PEX14: variants seen among roughly 807,000 people sequenced by gnomAD.
The protein encoded by PEX14 is peroxisomal biogenesis factor 14.
In PEX14, 15 loss-of-function variants were observed where a neutral mutation model predicts 49.5. That is an observed-to-expected ratio of 0.30 (90% CI 0.20 to 0.47). PEX14 has a LOEUF of 0.47. Ranked by LOEUF, PEX14 falls within the 20% of genes least tolerant of loss-of-function variation. The pLI is 1.00. For missense variants in PEX14, 398 were observed against 494.8 expected, an observed-to-expected ratio of 0.80 and a Z score of 1.86; for synonymous variants, 210 against 212.7, an observed-to-expected ratio of 0.99 and a Z score of 0.11.
At position 10,474,995 on chromosome 1, in the gene PEX14, C is replaced by T. The variant is rs12068754; in HGVS notation, c.29C>T (p.Pro10Leu). 2 of 1,610,166 alleles carry T rather than the reference C, an allele frequency of 1.2e-6. No homozygotes were observed. Among genetic ancestry groups the T allele is most frequent in the South Asian group, 1.1e-5 (1 of 90,172 alleles). The change falls in exon 1 of 9, where the codon CCG becomes CTG. Residue 10 changes from proline to leucine, a missense_variant. Transcript: ENST00000356607. ...GCGTCCTCGGAGCAGGCAGAGCAGC[C>T]GAGCCAGGTAAGGGGAGTGGGACTG... MASSEQAEQPSQPSSTPGSE... is the reference protein window; with the variant it reads MASSEQAEQLSQPSSTPGSE...
intron 3 of PEX14, among the ~76,000 whole-genome samples, chr1:10,573,166 G>A (rs1401626887): frequency 2.0e-5 from 3 of 152,184 alleles, no homozygotes; most frequent in African/African-American, 4.8e-5. Context: ...GCAGTCCATC[G>A]TTAACTGAAA....
At chr1:10,532,950 A>G (rs1200194803) in intron 2 of PEX14, among the ~76,000 whole-genome samples, 1 of 152,220 alleles carries the variant, frequency 6.6e-6, no homozygotes, top group African/African-American at 2.4e-5. Flanking sequence ...AGATGTTAGC[A>G]TTATGGGTAA....
At chr1:10,626,413 C>G (rs1036251976) in intron 7 of PEX14, among the ~76,000 whole-genome samples, 1 of 152,160 alleles carries the variant, frequency 6.6e-6, no homozygotes, top group Non-Finnish European at 1.5e-5. Context: ...TCAGACTGCC[C>G]GGGTTTTCCT....
chr1:10,480,414 G>T (rs1641263532), intron 1 of PEX14, among the ~76,000 whole-genome samples: 2 of 109,396 alleles, frequency 1.8e-5, no homozygotes, highest in African/African-American at 3.6e-5. Flanking sequence ...TTTTTTTTGA[G>T]ACGGAGTCTT....
intron 3 of PEX14, among the ~76,000 whole-genome samples, chr1:10,581,186 A>C (rs1640305424): frequency 6.6e-6 from 1 of 152,104 alleles, no homozygotes; most frequent in South Asian, 2.1e-4. Context: ...TGAAGTCTAC[A>C]TGGCAGGTAG....
chr1:10,629,426 G>A lies in PEX14; in HGVS notation c.678-105G>A. 1 of 778,778 alleles carries A rather than the reference G, an allele frequency of 1.3e-6. No homozygotes were observed. The highest frequency in any genetic ancestry group is 1.5e-5 in the South Asian group (1 of 66,998). 48.2% of individuals were successfully genotyped at this position (778,778 alleles called of 1,614,324 possible). Reference sequence around the variant, plus strand: ...TCCCTTGCCCAGTGTCCCTGGGGGAGCAGCTCACCATCGCCGAGCCCTTGC... The same window carrying A: ...TCCCTTGCCCAGTGTCCCTGGGGGAACAGCTCACCATCGCCGAGCCCTTGC... On this transcript the variant is annotated intron_variant, in intron 8 of 8. Transcript: ENST00000356607. The surrounding 1 kb of genome is among the most constrained non-coding windows in gnomAD (Gnocchi z 8.5).
intron 2 of PEX14, among the ~76,000 whole-genome samples, chr1:10,534,239 G>A (rs1314259555): frequency 6.6e-6 from 1 of 152,174 alleles, no homozygotes; most frequent in African/African-American, 2.4e-5. Flanking sequence ...TTCTCCAGGT[G>A]AAGAACAACT....
intron 4 of PEX14, among the ~76,000 whole-genome samples, chr1:10,601,099 T>C (rs1191796729): frequency 1.3e-5 from 2 of 151,918 alleles, no homozygotes; most frequent in Non-Finnish European, 2.9e-5. Flanking sequence ...CTGTCTCTAA[T>C]AAAAATACAA....
rs960594853 is a variant in PEX14, at chr1:10,630,136, G to T, written c.*149G>T. 1.6e-6 allele frequency: 2 copies of T among 1,258,158 alleles called. No individual in the cohort carries two copies. Among genetic ancestry groups the T allele is most frequent in the Non-Finnish European group, 2.2e-6 (2 of 924,056 alleles). 77.9% of individuals were successfully genotyped at this position (1,258,158 alleles called of 1,614,324 possible). On this transcript the variant is annotated 3_prime_UTR_variant, in exon 9 of 9. Transcript: ENST00000356607. The surrounding 1 kb of genome is among the most constrained non-coding windows in gnomAD (Gnocchi z 4.1). ...TCAGCTGCACTGCGGCCTGGTGGCA[G>T]TGTGGGGAGTCACACTTCTGTCCAC...
At chr1:10,541,819 A>G (rs1265215470) in intron 3 of PEX14, among the ~76,000 whole-genome samples, 1 of 152,226 alleles carries the variant, frequency 6.6e-6, no homozygotes, top group African/African-American at 2.4e-5. Context: ...GTAGAAACAG[A>G]GATGCCCTGG....
intron 3 of PEX14, among the ~76,000 whole-genome samples, chr1:10,596,535 C>T (rs1401168525): frequency 1.3e-5 from 2 of 151,918 alleles, no homozygotes; most frequent in African/African-American, 2.4e-5. Flanking sequence ...AGACCTAGGA[C>T]ATAGTTTGAG....
At chr1:10,478,911 A>AT (rs112990066) in intron 1 of PEX14, among the ~76,000 whole-genome samples, 20 of 148,580 alleles carry the variant, frequency 1.3e-4, no homozygotes, top group African/African-American at 3.7e-4. Flanking sequence ...ACGCCCGGCT[A>AT]TTTTTTTTTT....
intron 2 of PEX14, among the ~76,000 whole-genome samples, chr1:10,500,404 A>G (rs1011119791): frequency 3.6e-5 from 5 of 140,450 alleles, no homozygotes; most frequent in African/African-American, 1.3e-4. Flanking sequence ...AAAAAAAAAG[A>G]AAAGAAAAGA....
chr1:10,615,609 A>G lies in PEX14; in HGVS notation c.299-2723A>G, dbSNP rs561561249. Reference sequence around the variant, plus strand: ...GTGGCAGTATTTCTCAAAACTGCAAATGCACACGCCCTGGGACCACCCTCT... The same window carrying G: ...GTGGCAGTATTTCTCAAAACTGCAAGTGCACACGCCCTGGGACCACCCTCT... On this transcript the variant is annotated intron_variant, in intron 4 of 8. Transcript: ENST00000356607. Among the ~76,000 whole-genome samples, 3 of 152,326 alleles carry G rather than the reference A, an allele frequency of 2.0e-5. No homozygotes were observed. The East Asian group carries it at 5.8e-4, about 29-fold the overall frequency.
rs373584636 is a variant in PEX14 at position 10,495,338 on chromosome 1, T to C, written c.84+17T>C. ...GAGCCGCTGGTAAGTACCCAAGATA[T>C]GTGGTATCACTTTCTAGTAATTAAA... On this transcript the variant is annotated intron_variant, in intron 2 of 8. Transcript: ENST00000356607. The surrounding 1 kb of genome is among the most constrained non-coding windows in gnomAD (Gnocchi z 4.2). The C allele has an allele frequency of 1.7e-4, 278 of 1,602,268 alleles. 2 individuals are homozygous for C. The highest frequency in any genetic ancestry group is 8.3e-5 in the Admixed American group (5 of 59,882).
rs1006465537 is a variant in PEX14 at position 10,613,893 on chromosome 1, G to C, written c.299-4439G>C. Among the ~76,000 whole-genome samples the C allele has an allele frequency of 1.3e-5, 2 of 152,212 alleles. No homozygotes were observed. Among genetic ancestry groups the C allele is most frequent in the Non-Finnish European group, 2.9e-5 (2 of 68,040 alleles). On this transcript the variant is annotated intron_variant, in intron 4 of 8. Transcript: ENST00000356607. This position sits in a 1 kb window ranked among gnomAD's most constrained non-coding sequence, Gnocchi z 5.0. ...AGTGGAGACTCGAAGCATTTAAAAA[G>C]CCCACTCATTCTCTTCCTTTTCTTC...
intron 3 of PEX14, among the ~76,000 whole-genome samples, chr1:10,575,086 A>AT (rs1453168651): frequency 2.0e-5 from 3 of 151,494 alleles, no homozygotes. Flanking sequence ...AAAAAAAAAA[A>AT]GGAAGAAAAG....
chr1:10,486,618 C>T lies in PEX14; in HGVS notation c.37-8656C>T, dbSNP rs191084126. Among the ~76,000 whole-genome samples the T allele has an allele frequency of 1.5e-3, 227 of 151,430 alleles. 2 individuals carry two copies. Among genetic ancestry groups the T allele is most frequent in the Admixed American group, 4.5e-3 (68 of 15,156 alleles). ...GATGACTTGAGCCCTGGATTTCCAG[C>T]TTACAATGAGCTATGTCACACCACT... On this transcript the variant is annotated intron_variant, in intron 1 of 8. Coordinates refer to ENST00000356607, the MANE Select transcript of PEX14 (RefSeq NM_004565.3).
chr1:10,624,082 G>A (rs909591332), intron 6 of PEX14, among the ~76,000 whole-genome samples: 1 of 152,184 alleles, frequency 6.6e-6, no homozygotes, highest in African/African-American at 2.4e-5. Context: ...TAATTAGAGG[G>A]GAGAGGTTCT....
Sources: allele counts gnomAD v4.1 joint callset (sites outside exome capture counted in the v4.1 genomes callset), GRCh38; gene constraint gnomAD v4.1.1; non-coding constraint Gnocchi (gnomAD v3.1); transcripts MANE v1.5; gene names NCBI Gene and HGNC (gene_info 2026-07-23, HGNC 2026-07-21).